Variants in POLN observed in about 807,000 individuals in gnomAD.
POLN encodes the protein DNA polymerase nu, also known as DNA polymerase N.
Under a neutral mutation model 113.5 loss-of-function variants are expected in POLN, and 108 were observed. That is an observed-to-expected ratio of 0.95 (90% CI 0.81 to 1.12). The LOEUF (loss-of-function observed/expected upper bound fraction) is 1.12. POLN is among the 50% of genes most tolerant of loss of function. POLN has a pLI of 0.00. For missense variants in POLN, 1,097 were observed against 1,077.1 expected, an observed-to-expected ratio of 1.02 and a Z score of -0.26; for synonymous variants, 386 against 391.5, an observed-to-expected ratio of 0.99 and a Z score of 0.17.
chr4:2,191,950 T>C (rs1341683584), intron 7 of POLN, among the ~76,000 whole-genome samples: 1 of 151,824 alleles, frequency 6.6e-6, no homozygotes, highest in African/African-American at 2.4e-5. Flanking sequence ...CCATCTCTAC[T>C]AAAAATACAA....
At chr4:2,170,398 C>T (rs1204309453) in intron 13 of POLN, among the ~76,000 whole-genome samples, 6 of 152,184 alleles carry the variant, frequency 3.9e-5, no homozygotes, top group African/African-American at 1.2e-4. Context: ...GAGGTTGTGA[C>T]TGGATTGTCA....
Position 2,127,318 on chromosome 4 carries a change from G to T in POLN, c.1982+795C>A, listed in dbSNP as rs1028527436. On this transcript the variant is annotated intron_variant, in intron 19 of 25. Coordinates refer to ENST00000511885, the MANE Select transcript of POLN (RefSeq NM_181808.4). This position sits in a 1 kb window ranked among gnomAD's most constrained non-coding sequence, Gnocchi z 4.7. The stretch of plus-strand genomic sequence containing the variant: ...CCTCAAAGGGGCACTGATGCACCCG[G>T]CCCGGTGAACACCTGTGATGTATAA... Among the ~76,000 whole-genome samples, 36 of 152,224 alleles carry T rather than the reference G, an allele frequency of 2.4e-4. No individual in the cohort carries two copies. The highest frequency in any genetic ancestry group is 8.7e-4 in the African/African-American group (36 of 41,530).
chr4:2,130,702 C>T (rs1171217065), intron 17 of POLN, among the ~76,000 whole-genome samples: 2 of 152,088 alleles, frequency 1.3e-5, no homozygotes, highest in Non-Finnish European at 2.9e-5. Flanking sequence ...AGGAGGAAAG[C>T]TGCTTTCCTG....
At chr4:2,158,632 G>C (rs1457619641) in intron 14 of POLN, among the ~76,000 whole-genome samples, 1 of 152,184 alleles carries the variant, frequency 6.6e-6, no homozygotes, top group Non-Finnish European at 1.5e-5. Flanking sequence ...CTATGCTGTG[G>C]GCAGTGGCAA....
chr4:2,233,262 A>G (rs1467327346), intron 2 of POLN, among the ~76,000 whole-genome samples: 1 of 152,228 alleles, frequency 6.6e-6, no homozygotes, highest in African/African-American at 2.4e-5. Context: ...ACTAAAGATC[A>G]TACAGTTGCT....
At chr4:2,081,246 G>T (rs896974827) in intron 22 of POLN, 7 of 1,470,266 alleles carry the variant, frequency 4.8e-6, no homozygotes, top group Non-Finnish European at 5.5e-6. Context: ...CCTGGGTTTT[G>T]GGTGCCTTAC....
chr4:2,132,125 G>A (rs1731742607), intron 16 of POLN, among the ~76,000 whole-genome samples: 1 of 152,176 alleles, frequency 6.6e-6, no homozygotes, highest in African/African-American at 2.4e-5. Flanking sequence ...TTTTTAAGAT[G>A]AGGACATGAA....
rs185848323 is a variant in POLN at position 2,157,672 on chromosome 4, G to C, written c.1665+186C>G. On this transcript the variant is annotated intron_variant, in intron 15 of 25. Coordinates refer to ENST00000511885, the MANE Select transcript of POLN (RefSeq NM_181808.4). ...CGGGAGGCAGAGGTTGCAGTGAGCT[G>C]AGATCCTGACACTGCACTCCAGCCC... Among the ~76,000 whole-genome samples, 78 of 137,120 alleles carry C rather than the reference G, an allele frequency of 5.7e-4. 1 individual carries two copies. The East Asian group carries it at 0.016, about 27-fold the overall frequency. The allele number at this position is 137,120 out of a possible 152,430, so 90.0% of individuals were successfully genotyped here. A position where few individuals can be genotyped will look rare whatever the true frequency, so the allele number is the denominator to read the frequency against.
rs756220416 is a variant in POLN, at chr4:2,229,324, A to C, written c.-12-81T>G. 555 of 1,106,012 alleles carry C rather than the reference A, an allele frequency of 5.0e-4. 4 individuals are homozygous for C. The highest frequency in any genetic ancestry group is 9.8e-5 in the Non-Finnish European group (78 of 799,414). 68.5% of individuals were successfully genotyped at this position (1,106,012 alleles called of 1,614,324 possible). On this transcript the variant is annotated intron_variant, in intron 2 of 25. Transcript: ENST00000511885. ...ACAGGAAATACAATTATTTTCAAAA[A>C]TTTATATACCAACTTTCATTTAAAA...
intron 7 of POLN, among the ~76,000 whole-genome samples, chr4:2,192,040 G>C (rs1184719809): frequency 1.3e-5 from 2 of 150,730 alleles, no homozygotes; most frequent in African/African-American, 2.5e-5. Flanking sequence ...ACTTGAACCA[G>C]GGAGATAGAG....
At chr4:2,204,109 C>CAAAAAAAAAAAAAAAA (rs566255148) in intron 5 of POLN, among the ~76,000 whole-genome samples, 59 of 53,200 alleles carry the variant, frequency 1.1e-3, no homozygotes, top group Non-Finnish European at 1.5e-3. Context: ...AACTCTATCA[C>CAAAAAAAAAAAAAAAA]AAAAAAAAAA....
Position 2,156,848 on chromosome 4 carries a change from G to A in POLN, c.1671C>T (p.Ser557=). 1 of 1,611,028 alleles carries A rather than the reference G, an allele frequency of 6.2e-7. No individual in the cohort carries two copies. The highest frequency in any genetic ancestry group is 1.7e-5 in the Admixed American group (1 of 60,008). The change falls in exon 16 of 26, where the codon TCC becomes TCT. Residue 557 remains serine (S), a synonymous_variant. Coordinates refer to ENST00000511885, the MANE Select transcript of POLN (RefSeq NM_181808.4). ...CAGTCTGATTCCATGTAGAGGAAAT[G>A]GAGCCCTTTATTAGTTAAAAAGAAT... is the stretch of plus-strand genomic sequence containing the variant. ...DGLLACMKKG[S]ISSTWNQTGT...
At chr4:2,180,005 G>A (rs1733095557) in intron 7 of POLN, among the ~76,000 whole-genome samples, 1 of 152,162 alleles carries the variant, frequency 6.6e-6, no homozygotes, top group Non-Finnish European at 1.5e-5. Flanking sequence ...TGTGTGCAAG[G>A]CAAAGATACT....
chr4:2,121,166 A>G (rs907972902), intron 19 of POLN, among the ~76,000 whole-genome samples: 2 of 151,980 alleles, frequency 1.3e-5, no homozygotes. Context: ...TGGGTGTGGT[A>G]GCTCATGCCT....
chr4:2,090,581 C>T (rs1730642442), intron 20 of POLN: 13 of 462,100 alleles, frequency 2.8e-5, no homozygotes, highest in South Asian at 2.8e-4. Flanking sequence ...AGATCTTCAT[C>T]GCAGTCACAG....
chr4:2,165,908 C>T (rs1732717105), intron 13 of POLN, among the ~76,000 whole-genome samples: 1 of 152,050 alleles, frequency 6.6e-6, no homozygotes, highest in Admixed American at 6.6e-5. Flanking sequence ...TCACGAATAG[C>T]TGGGACTACC....
intron 2 of POLN, chr4:2,232,162 T>G: frequency 7.3e-7 from 1 of 1,364,340 alleles, no homozygotes. Context: ...TGTTAACTCC[T>G]AAAAAAGGAA....
At chr4:2,207,908 C>T (rs941996188) in intron 5 of POLN, 79 bp downstream of exon 5, 9 of 1,470,370 alleles carry the variant, frequency 6.1e-6, no homozygotes, top group African/African-American at 2.8e-5. Flanking sequence ...TCTAGCTCTC[C>T]TATCAAAATC....
At chr4:2,240,046 T>G in intron 2 of POLN, 1 of 1,612,072 alleles carries the variant, frequency 6.2e-7, no homozygotes, top group East Asian at 2.2e-5. Flanking sequence ...ACCTTGCTGG[T>G]TAGGCTGTGA....
Sources: allele counts gnomAD v4.1 joint callset (sites outside exome capture counted in the v4.1 genomes callset), GRCh38; gene constraint gnomAD v4.1.1; non-coding constraint Gnocchi (gnomAD v3.1); transcripts MANE v1.5; gene names NCBI Gene and HGNC (gene_info 2026-07-23, HGNC 2026-07-21).